The following FER variants were observed in gnomAD, a reference collection of about 807,000 sequenced individuals.
FER encodes the protein FER tyrosine kinase.
A neutral mutation model predicts 111.0 loss-of-function variants in FER; 63 were observed. The observed-to-expected ratio is 0.57, with a 90% CI of 0.46 to 0.70. The LOEUF (loss-of-function observed/expected upper bound fraction) is 0.70. Ranked by LOEUF, FER falls within the 30% of genes least tolerant of loss-of-function variation. FER has a pLI of 0.00. For synonymous variants in FER, 327 were observed against 313.9 expected (o/e 1.04, Z -0.44); for missense variants, 914 against 954.0 (o/e 0.96, Z 0.55).
At chr5:108,868,587 T>C (rs1333666431) in intron 6 of FER, among the ~76,000 whole-genome samples, 1 of 152,136 alleles carries the variant, frequency 6.6e-6, no homozygotes, top group Non-Finnish European at 1.5e-5. Context: ...GCCTTCCAAA[T>C]GACTAAATTC....
In FER at chr5:108,897,745, C is replaced by T. The variant is rs1343993476; in HGVS notation, c.1133C>T (p.Ser378Leu). The change falls in exon 10 of 20, where the codon TCA (serine) becomes TTA (leucine). Residue 378 changes from serine (S) to leucine (L), a missense_variant. Transcript: ENST00000281092. ...QQLRCTEAKF[S>L]AQKELLEQKV... Reference sequence around the variant, plus strand: ...CTGAGATGCACTGAAGCAAAGTTTTCAGCACAGAAGGAATTACTAGAGCAA... The same window carrying T: ...CTGAGATGCACTGAAGCAAAGTTTTTAGCACAGAAGGAATTACTAGAGCAA... 3 of 1,613,460 alleles carry T rather than the reference C, an allele frequency of 1.9e-6. No homozygotes were observed. The highest frequency in any genetic ancestry group is 4.5e-5 in the East Asian group (2 of 44,784).
chr5:108,985,466 C>G (rs916854383), intron 13 of FER, among the ~76,000 whole-genome samples: 1 of 151,700 alleles, frequency 6.6e-6, no homozygotes, highest in Non-Finnish European at 1.5e-5. Flanking sequence ...TTCTGGGGAG[C>G]AGGTGGTGTT....
chr5:108,771,690 C>T (rs1016109449), intron 2 of FER, among the ~76,000 whole-genome samples: 5 of 152,174 alleles, frequency 3.3e-5, no homozygotes, highest in Non-Finnish European at 7.4e-5. Context: ...TACCTGGACT[C>T]ACTGTTAACA....
Position 108,775,614 on chromosome 5 carries a change from A to G in FER, c.-60+7376A>G, listed in dbSNP as rs557590526. Among the ~76,000 whole-genome samples the G allele has an allele frequency of 1.8e-3, 272 of 152,254 alleles. 1 individual carries two copies. Among genetic ancestry groups the G allele is most frequent in the African/African-American group, 6.1e-3 (253 of 41,550 alleles). On this transcript the variant is annotated intron_variant, in intron 2 of 19. Transcript: ENST00000281092. Reference sequence around the variant, plus strand: ...AAGTTTTTATTAATTGTTTTCTCTCAGTGGGAGATCATCATGCGTTAATGT... The same window carrying G: ...AAGTTTTTATTAATTGTTTTCTCTCGGTGGGAGATCATCATGCGTTAATGT...
intron 17 of FER, among the ~76,000 whole-genome samples, chr5:109,130,013 T>C (rs1451922664): frequency 7.2e-6 from 1 of 139,512 alleles, no homozygotes. Flanking sequence ...TTTTCATATT[T>C]ATACATGAAT....
chr5:108,916,592 T>C (rs1334098101), intron 10 of FER, among the ~76,000 whole-genome samples: 1 of 152,190 alleles, frequency 6.6e-6, no homozygotes, highest in Admixed American at 6.5e-5. Flanking sequence ...ATATAGCTTA[T>C]GTTCACAGTA....
intron 16 of FER, among the ~76,000 whole-genome samples, chr5:109,060,089 A>G (rs1266985748): frequency 3.3e-5 from 5 of 152,188 alleles, no homozygotes; most frequent in South Asian, 2.1e-4. Context: ...ATATGATTCC[A>G]TTTATATGAA....
intron 16 of FER, among the ~76,000 whole-genome samples, chr5:109,074,323 C>T (rs1776083043): frequency 6.6e-6 from 1 of 152,178 alleles, no homozygotes; most frequent in African/African-American, 2.4e-5. Context: ...AGTGCCAGTT[C>T]TCTGAATCAC....
intron 2 of FER, chr5:108,785,426 AT>A (rs1754594489): frequency 1.4e-5 from 8 of 583,920 alleles, no homozygotes; most frequent in South Asian, 1.1e-4. Flanking sequence ...GCAAGAAGTT[AT>A]TAGTACTGGC....
At chr5:108,822,698 A>AATTTT (rs1253606415) in intron 3 of FER, among the ~76,000 whole-genome samples, 4 of 139,774 alleles carry the variant, frequency 2.9e-5, no homozygotes, top group Non-Finnish European at 6.4e-5. Flanking sequence ...TTGGGGATCA[A>AATTTT]ATTTTATTTT....
chr5:108,858,807 C>T (rs1184204347), intron 5 of FER, among the ~76,000 whole-genome samples: 16 of 130,640 alleles, frequency 1.2e-4, no homozygotes, highest in Admixed American at 8.0e-4. Context: ...GTCTCTTGCT[C>T]GTTTTTTCAT....
At chr5:108,764,937 A>G (rs948925359) in intron 1 of FER, among the ~76,000 whole-genome samples, 3 of 152,164 alleles carry the variant, frequency 2.0e-5, no homozygotes, top group African/African-American at 7.2e-5. Flanking sequence ...TGGCACTTGC[A>G]TGATCCTGAG....
intron 3 of FER, among the ~76,000 whole-genome samples, chr5:108,815,565 T>A (rs943021332): frequency 6.6e-6 from 1 of 152,178 alleles, no homozygotes; most frequent in Non-Finnish European, 1.5e-5. Context: ...GTGCTGAAGA[T>A]GAATTTTACT....
chr5:109,180,555 C>T (rs898136184), intron 17 of FER, among the ~76,000 whole-genome samples, 192 bp from the exon 18 acceptor site: 2 of 152,202 alleles, frequency 1.3e-5, no homozygotes, highest in Non-Finnish European at 1.5e-5. Context: ...ATGTGGCCTA[C>T]TCCATATGCA....
chr5:108,838,304 G>A (rs746971042), intron 5 of FER, among the ~76,000 whole-genome samples: 48 of 152,040 alleles, frequency 3.2e-4, no homozygotes, highest in Non-Finnish European at 5.7e-4. Flanking sequence ...TAGAGACTGC[G>A]GGGTGCTTAC....
intron 8 of FER, among the ~76,000 whole-genome samples, chr5:108,878,876 A>C (rs1765361443): frequency 6.6e-6 from 1 of 152,146 alleles, no homozygotes; most frequent in South Asian, 2.1e-4. Context: ...TAGGATGTGT[A>C]ATTACTAAGA....
chr5:109,058,536 G>T (rs903555040), intron 16 of FER, among the ~76,000 whole-genome samples: 1 of 151,390 alleles, frequency 6.6e-6, no homozygotes, highest in Admixed American at 6.6e-5. Flanking sequence ...AAACTTTTTG[G>T]ATTTATGGTT....
At chr5:108,898,542 C>T (rs912804891) in intron 10 of FER, among the ~76,000 whole-genome samples, 5 of 135,906 alleles carry the variant, frequency 3.7e-5, no homozygotes, top group Non-Finnish European at 8.0e-5. Context: ...CCTCCCTTCC[C>T]CTCCCCTTCC....
intron 10 of FER, among the ~76,000 whole-genome samples, chr5:108,932,607 A>C (rs1386937709): frequency 6.6e-6 from 1 of 152,200 alleles, no homozygotes; most frequent in African/African-American, 2.4e-5. Flanking sequence ...ATTGTCTTCC[A>C]CAATAGGTGA....
Sources: allele counts gnomAD v4.1 joint callset (sites outside exome capture counted in the v4.1 genomes callset), GRCh38; gene constraint gnomAD v4.1.1; transcripts MANE v1.5; gene names NCBI Gene and HGNC (gene_info 2026-07-23, HGNC 2026-07-21).